Variants in STXBP2 observed in about 807,000 individuals in gnomAD.
The protein encoded by STXBP2 is syntaxin binding protein 2, also known as syntaxin-binding protein 2.
A neutral mutation model predicts 72.2 loss-of-function variants in STXBP2; 47 were observed. That is an observed-to-expected ratio of 0.65 (90% CI 0.51 to 0.83). STXBP2 has a LOEUF of 0.83. STXBP2 is among the 40% of genes least tolerant of loss of function. STXBP2 has a pLI of 0.00. For synonymous variants in STXBP2, 367 were observed against 338.7 expected, an observed-to-expected ratio of 1.08 and a Z score of -0.92; for missense variants, 702 against 807.6, an observed-to-expected ratio of 0.87 and a Z score of 1.58.
At chr19:7,643,097 A>G in intron 12 of STXBP2, 49 bp downstream of exon 12, 1 of 1,613,940 alleles carries the variant, frequency 6.2e-7, no homozygotes, top group Non-Finnish European at 8.5e-7. Context: ...CCTCAACCCC[A>G]TGCTCTGTCT....
rs1383025973 is a variant in STXBP2 at position 7,647,480 on chromosome 19, G to A, written c.1665G>A (p.Arg555=). Residue 555 remains arginine, a synonymous_variant, in exon 18 of 19, where the codon AGG becomes AGA. Coordinates refer to ENST00000221283, the MANE Select transcript of STXBP2 (RefSeq NM_006949.4). ...SEMRAAYEVT[R]ATEGKWEVLI... is the part of the protein sequence containing the mutation. Reference sequence around the variant, plus strand: ...TGAGGGCCGCCTACGAGGTGACCAGGGCCACCGAGGGCAAGTGGGAGGTGC... The same window carrying A: ...TGAGGGCCGCCTACGAGGTGACCAGAGCCACCGAGGGCAAGTGGGAGGTGC... 4.4e-6 allele frequency: 7 copies of A among 1,607,270 alleles called. No individual in the cohort carries two copies. The South Asian group carries it at 4.4e-5, about 10-fold the overall frequency.
At chr19:7,629,952 A>G in the STXBP2 span, 1 of 1,370,778 alleles carries the variant, frequency 7.3e-7, no homozygotes, top group South Asian at 1.5e-5. Context: ...TCAAAGGAAG[A>G]GGGAGCTCCA....
At chr19:7,641,243 A>C (rs1346986544) in intron 6 of STXBP2, 15 of 572,080 alleles carry the variant, frequency 2.6e-5, no homozygotes, top group Non-Finnish European at 2.5e-5. Flanking sequence ...GGTGGCGTGC[A>C]CCTGTAGTCC....
upstream of STXBP2, among the ~76,000 whole-genome samples, chr19:7,635,666 A>T (rs1180184659): frequency 6.6e-6 from 1 of 152,214 alleles, no homozygotes; most frequent in Non-Finnish European, 1.5e-5. Flanking sequence ...ACTGCCCTCC[A>T]GCCTGAGCAA....
the STXBP2 span, chr19:7,631,799 G>A: frequency 1.3e-5 from 19 of 1,423,468 alleles, no homozygotes; most frequent in Admixed American, 8.0e-5. Context: ...GCTCGTTTCT[G>A]TGCTCCGTCC....
chr19:7,637,795 G>T (rs952950188), intron 1 of STXBP2, among the ~76,000 whole-genome samples: 1 of 152,334 alleles, frequency 6.6e-6, no homozygotes, highest in African/African-American at 2.4e-5. Context: ...CGCCCTGGCC[G>T]TCTTGATAAC....
chr19:7,640,421 C>A lies in STXBP2; in HGVS notation c.247-310C>A, dbSNP rs77933699. On this transcript the variant is annotated intron_variant, in intron 4 of 18. Transcript: ENST00000221283. ...GTGTATATGTGTGTATGTATGTGTG[C>A]GCGCGCATCTGTGTGTGTGCATGTG... 549 of 478,242 alleles carry A rather than the reference C, an allele frequency of 1.1e-3. 4 individuals are homozygous for A. Among genetic ancestry groups the A allele is most frequent in the South Asian group, 9.7e-3 (531 of 54,714 alleles). 29.6% of individuals were successfully genotyped at this position (478,242 alleles called of 1,614,324 possible).
the STXBP2 span, chr19:7,631,063 C>T: frequency 4.6e-5 from 35 of 752,856 alleles, no homozygotes; most frequent in South Asian, 6.2e-4. Context: ...CAAAACTTAG[C>T]CAGGCATGGT....
In STXBP2 at chr19:7,645,218, C is replaced by A. The variant is rs150072458; in HGVS notation, c.1268C>A (p.Ala423Asp). Residue 423 changes from alanine (A) to aspartate (D), a missense_variant, in exon 15 of 19, where the codon GCC becomes GAC. Physicochemically the swap from Ala to Asp is moderately radical, Grantham distance 126. Transcript: ENST00000221283. ...CCAGGTGTGAGTGAGGAGAACCTGG[C>A]CAAGCTGATCCAGCATGCCAATGTA... ...LRNGVSEENL[A>D]KLIQHANVQA... The A allele has an allele frequency of 1.5e-5, 24 of 1,567,818 alleles. No individual in the cohort carries two copies. The African/African-American group carries it at 3.1e-4, about 20-fold the overall frequency.
chr19:7,646,018 TG>T, intron 15 of STXBP2: 1 of 590,124 alleles, frequency 1.7e-6, no homozygotes, highest in Non-Finnish European at 3.0e-6. Flanking sequence ...CCTCTGTCTT[TG>T]TCTTTCTCTG....
At chr19:7,645,694 A>G (rs1599405399) in intron 15 of STXBP2, among the ~76,000 whole-genome samples, 1 of 151,880 alleles carries the variant, frequency 6.6e-6, no homozygotes, top group East Asian at 1.9e-4. Flanking sequence ...ACACACAGCC[A>G]TGTGTGTGCT....
At chr19:7,640,202 G>A in intron 4 of STXBP2, 1 of 551,402 alleles carries the variant, frequency 1.8e-6, no homozygotes, top group South Asian at 1.5e-5. Context: ...GTGTATGCGT[G>A]TGTATGTATG....
In STXBP2 at chr19:7,647,865, G is replaced by A. The variant is rs1340168090; in HGVS notation, c.*55G>A. On this transcript the variant is annotated 3_prime_UTR_variant, in exon 19 of 19. Transcript: ENST00000221283. The stretch of plus-strand genomic sequence containing the variant: ...TCCAGAGAAATAAACTCTTCCCGTC[G>A]CTCTGCCAGCCAGTGCCTACCTCAC... 28 of 1,497,232 alleles carry A rather than the reference G, an allele frequency of 1.9e-5. No individual in the cohort carries two copies. The highest frequency in any genetic ancestry group is 2.4e-5 in the Non-Finnish European group (26 of 1,082,270). 92.7% of individuals were successfully genotyped at this position (1,497,232 alleles called of 1,614,324 possible).
chr19:7,643,028 T>A lies in STXBP2; in HGVS notation c.1006T>A (p.Tyr336Asn), dbSNP rs2031959204. Reference sequence around the variant, plus strand: ...CCAGATCCTGAAAAAGATGCCGCAGTACCAGAAGGAGCTGAATAAGGTGTG... The same window carrying A: ...CCAGATCCTGAAAAAGATGCCGCAGAACCAGAAGGAGCTGAATAAGGTGTG... ...LSQILKKMPQ[Y>N]QKELNKYSTH... Residue 336 changes from tyrosine to asparagine, a missense_variant, in exon 12 of 19, where the codon TAC becomes AAC. Coordinates refer to ENST00000221283, the MANE Select transcript of STXBP2 (RefSeq NM_006949.4). The A allele has an allele frequency of 6.2e-7, 1 of 1,614,056 alleles. No individual in the cohort carries two copies. Among genetic ancestry groups the A allele is most frequent in the African/African-American group, 1.3e-5 (1 of 74,918 alleles).
At chr19:7,639,617 C>A in intron 3 of STXBP2, 114 bp from the exon 4 acceptor site, 1 of 951,420 alleles carries the variant, frequency 1.1e-6, no homozygotes, top group Non-Finnish European at 1.7e-6. Context: ...CTCCTGCAGT[C>A]CCTCCTAAGC....
chr19:7,645,569 C>T (rs944306564), intron 15 of STXBP2, among the ~76,000 whole-genome samples: 13 of 146,558 alleles, frequency 8.9e-5, no homozygotes, highest in Admixed American at 1.4e-4. Flanking sequence ...CAGTTGGGAG[C>T]GGGTGGTCTG....
the STXBP2 span, chr19:7,630,126 C>T: frequency 2.1e-6 from 1 of 479,724 alleles, no homozygotes; most frequent in Non-Finnish European, 3.7e-6. Context: ...GAAGGGGGCT[C>T]TAAAGAAGGA....
chr19:7,645,989 A>G (rs1599405871), intron 15 of STXBP2: 1 of 552,736 alleles, frequency 1.8e-6, no homozygotes. Flanking sequence ...ACTGCTTCTT[A>G]TCTCTTTGCC....
At chr19:7,640,057 T>TGC (rs2031748412) in intron 4 of STXBP2, 3 of 636,630 alleles carry the variant, frequency 4.7e-6, no homozygotes, top group African/African-American at 3.9e-5. Context: ...CATTTGTGTG[T>TGC]ATGTGTGTAT....
Sources: allele counts gnomAD v4.1 joint callset (sites outside exome capture counted in the v4.1 genomes callset), GRCh38; gene constraint gnomAD v4.1.1; transcripts MANE v1.5; gene names NCBI Gene and HGNC (gene_info 2026-07-23, HGNC 2026-07-21).